The following MAML1 variants were observed in gnomAD, a reference collection of about 807,000 sequenced individuals.
MAML1 encodes the protein mastermind like transcriptional coactivator 1, also known as mastermind-like protein 1.
Under a neutral mutation model 77.1 loss-of-function variants are expected in MAML1, and 14 were observed. That is an observed-to-expected ratio of 0.18 (90% CI 0.12 to 0.28). MAML1 has a LOEUF of 0.28. Ranked by LOEUF, MAML1 falls within the 10% of genes least tolerant of loss-of-function variation. The probability of loss-of-function intolerance (pLI) is 1.00; values close to 1 mark genes in which losing one functional copy is unlikely to be tolerated. For missense variants in MAML1, 1,217 were observed against 1,327.8 expected (o/e 0.92, Z 1.30); for synonymous variants, 516 against 551.9 (o/e 0.93, Z 0.91).
chr5:179,741,030 G>A lies in MAML1; in HGVS notation c.315+7603G>A, dbSNP rs1779274359. 4.6e-5 allele frequency among the ~76,000 whole-genome samples: 7 copies of A among 152,224 alleles called. No individual in the cohort carries two copies. In the South Asian group the frequency reaches 1.4e-3, roughly 32 times the overall value. On this transcript the variant is annotated intron_variant, in intron 1 of 4. Transcript: ENST00000292599. ...AGATTTCAAATCCACATTTCCAGCT[G>A]TCTGCTGGACATTTTCATCTTTCCA...
At chr5:179,743,292 TC>T (rs1306801032) in intron 1 of MAML1, among the ~76,000 whole-genome samples, 1 of 151,186 alleles carries the variant, frequency 6.6e-6, no homozygotes, top group African/African-American at 2.4e-5. Flanking sequence ...CCTCAGGTGA[TC>T]CGCCTGCCTC....
rs1016947862 is a variant in MAML1 at position 179,742,621 on chromosome 5, G to T, written c.315+9194G>T. On this transcript the variant is annotated intron_variant, in intron 1 of 4. Transcript: ENST00000292599. Reference sequence around the variant, plus strand: ...AGTTCGAGACCAGCCTGGCCAACATGGTGAAACCCTGTCCCTACTAAAAAA... The same window carrying T: ...AGTTCGAGACCAGCCTGGCCAACATTGTGAAACCCTGTCCCTACTAAAAAA... Among the ~76,000 whole-genome samples the T allele has an allele frequency of 5.1e-4, 77 of 152,088 alleles. 1 individual carries two copies. The highest frequency in any genetic ancestry group is 1.7e-3 in the African/African-American group (72 of 41,434).
chr5:179,766,547 G>C lies in MAML1; in HGVS notation c.1537G>C (p.Gly513Arg). Residue 513 changes from glycine (G) to arginine (R), a missense_variant, in exon 2 of 5, where the codon GGC becomes CGC. Gly to Arg is a moderately radical substitution (Grantham distance 125). Around this residue, in one of 3 missense-constraint regions of MAML1, gnomAD observed 884 missense variants for 949.3 expected, o/e 0.93. Coordinates refer to ENST00000292599, the MANE Select transcript of MAML1 (RefSeq NM_014757.5). The surrounding 1 kb of genome is among the most constrained non-coding windows in gnomAD (Gnocchi z 4.0). ...TAACCAGGGGTCTGTGCTGGACTAC[G>C]GCAATACAAAACCCCTTTCTCATTA... ...ANNQGSVLDY[G>R]NTKPLSHYKA... 1 of 1,605,752 alleles carries C rather than the reference G, an allele frequency of 6.2e-7. No homozygotes were observed. Among genetic ancestry groups the C allele is most frequent in the South Asian group, 1.1e-5 (1 of 90,352 alleles).
rs556707695 is a variant in MAML1 at position 179,774,490 on chromosome 5, G to A, written c.2664G>A (p.Arg888=). 2.6e-4 allele frequency: 418 copies of A among 1,613,272 alleles called. No individual in the cohort carries two copies. The highest frequency in any genetic ancestry group is 2.1e-3 in the South Asian group (191 of 91,086). ...AATTCTCCCAGGCAGTGCCCAACAG[G>A]CCCATGGCTCCCATGAGCTCAGCAG... The part of the protein sequence containing the change: ...SPQFSQAVPN[R]PMAPMSSAAA... Residue 888 remains arginine (R), a synonymous_variant, in exon 5 of 5, where the codon AGG becomes AGA. Coordinates refer to ENST00000292599, the MANE Select transcript of MAML1 (RefSeq NM_014757.5).
At position 179,773,932 on chromosome 5, in the gene MAML1, T is replaced by TGAC; in HGVS notation, c.2106_2107insGAC (p.Gly702_Pro703insAsp). On this transcript the variant is annotated inframe_insertion, in exon 5 of 5. Transcript: ENST00000292599. ...CCGTGCCCGGCATGAACACCTTGGG[T>TGAC]CCATCCAACTCCAGCTGTCCTCGAG... The TGAC allele has an allele frequency of 6.2e-7, 1 of 1,614,172 alleles. No individual in the cohort carries two copies. Among genetic ancestry groups the TGAC allele is most frequent in the South Asian group, 1.1e-5 (1 of 91,082 alleles).
At chr5:179,733,905 A>T (rs1779117146) in intron 1 of MAML1, among the ~76,000 whole-genome samples, 1 of 152,214 alleles carries the variant, frequency 6.6e-6, no homozygotes, top group Non-Finnish European at 1.5e-5. Context: ...GACCAACTGA[A>T]ACTCCTCTGA....
chr5:179,748,916 A>G (rs1779433137), intron 1 of MAML1, among the ~76,000 whole-genome samples: 1 of 151,914 alleles, frequency 6.6e-6, no homozygotes, highest in Admixed American at 6.6e-5. Flanking sequence ...TAGCCTAACT[A>G]TACAACAAGA....
chr5:179,760,605 C>T (rs1488587599), intron 1 of MAML1, among the ~76,000 whole-genome samples: 2 of 152,032 alleles, frequency 1.3e-5, no homozygotes, highest in Non-Finnish European at 1.5e-5. Context: ...GTGTGATGTT[C>T]AGTCATGGGA....
chr5:179,739,981 G>C lies in MAML1; in HGVS notation c.315+6554G>C, dbSNP rs184060374. Among the ~76,000 whole-genome samples, 253 of 152,256 alleles carry C rather than the reference G, an allele frequency of 1.7e-3. 3 individuals are homozygous for C. Among genetic ancestry groups the C allele is most frequent in the African/African-American group, 5.9e-3 (245 of 41,528 alleles). On this transcript the variant is annotated intron_variant, in intron 1 of 4. Transcript: ENST00000292599. ...GGAGAAAGAGGAGGTCAATATTTTT[G>C]TTAACTTTGTTATAATAAGTGCTAA...
chr5:179,766,994 T>G lies in MAML1; in HGVS notation c.1731+253T>G, dbSNP rs965098889. Among the ~76,000 whole-genome samples the G allele has an allele frequency of 6.6e-6, 1 of 152,218 alleles. No individual in the cohort carries two copies. The highest frequency in any genetic ancestry group is 1.5e-5 in the Non-Finnish European group (1 of 68,042). ...CGAAGGTTTCAGGAATCACCTGCAT[T>G]TAGTCCACTGTCTCTTTCGTGCCGT... On this transcript the variant is annotated intron_variant, in intron 2 of 4. Transcript: ENST00000292599. This position sits in a 1 kb window ranked among gnomAD's most constrained non-coding sequence, Gnocchi z 4.0.
In MAML1 at chr5:179,733,360, C is replaced by G; in HGVS notation, c.248C>G (p.Pro83Arg). ...KHRQPPAATA[P>R]APAAPAPRLD... ...AGGCAGCCGCCCGCCGCCACGGCCCCGGCGCCCGCCGCCCCGGCCCCGCGC... is the reference window on the plus strand; with the variant it reads ...AGGCAGCCGCCCGCCGCCACGGCCCGGGCGCCCGCCGCCCCGGCCCCGCGC... Residue 83 changes from proline to arginine, a missense_variant, in exon 1 of 5, where the codon CCG becomes CGG. By Grantham distance (103) the Pro-to-Arg change is moderately radical. Around this residue, in one of 3 missense-constraint regions of MAML1, gnomAD observed 312 missense variants for 331.4 expected, o/e 0.94. Transcript: ENST00000292599. 8.1e-7 allele frequency: 1 copy of G among 1,238,916 alleles called. No homozygotes were observed. Among genetic ancestry groups the G allele is most frequent in the Non-Finnish European group, 1.0e-6 (1 of 993,494 alleles). 76.7% of individuals were successfully genotyped at this position (1,238,916 alleles called of 1,614,324 possible).
chr5:179,761,991 G>A (rs1172602784), intron 1 of MAML1, among the ~76,000 whole-genome samples: 1 of 152,092 alleles, frequency 6.6e-6, no homozygotes, highest in African/African-American at 2.4e-5. Flanking sequence ...AGGTAAAAAA[G>A]AGGAGGCAGG....
intron 2 of MAML1, among the ~76,000 whole-genome samples, chr5:179,767,959 A>G (rs1050396028): frequency 1.3e-5 from 2 of 152,244 alleles, no homozygotes; most frequent in East Asian, 1.9e-4. Context: ...CTTGTGGTCT[A>G]TATATTGACA....
chr5:179,753,559 C>T (rs145240363), intron 1 of MAML1, among the ~76,000 whole-genome samples: 3 of 150,970 alleles, frequency 2.0e-5, no homozygotes, highest in Admixed American at 6.6e-5. Context: ...ATTGATGCCT[C>T]GAAGAAAGCG....
In MAML1 at chr5:179,768,900, G is replaced by A. The variant is rs1322125335; in HGVS notation, c.1782G>A (p.Gly594=). The A allele has an allele frequency of 1.2e-6, 2 of 1,614,122 alleles. No individual in the cohort carries two copies. Among genetic ancestry groups the A allele is most frequent in the East Asian group, 2.2e-5 (1 of 44,864 alleles). Residue 594 remains glycine (G), a synonymous_variant, in exon 3 of 5, where the codon GGG becomes GGA. Transcript: ENST00000292599. ...VPVQAQATSV[G]TQPPAVSVAS... is the part of the protein sequence containing the mutation. ...TGCAAGCCCAGGCTACCAGTGTTGG[G>A]ACCCAGCCGCCTGCCGTGTCCGTGG... is the stretch of plus-strand genomic sequence containing the variant.
chr5:179,744,668 C>T (rs868039056), intron 1 of MAML1, among the ~76,000 whole-genome samples: 21 of 151,662 alleles, frequency 1.4e-4, no homozygotes, highest in African/African-American at 4.8e-4. Context: ...CGAGTAGCTA[C>T]CATGCCCGGC....
chr5:179,774,815 C>G lies in MAML1; in HGVS notation c.2989C>G (p.Leu997Val). 1.2e-6 allele frequency: 2 copies of G among 1,614,028 alleles called. No individual in the cohort carries two copies. The highest frequency in any genetic ancestry group is 1.7e-6 in the Non-Finnish European group (2 of 1,179,966). Residue 997 changes from leucine to valine, a missense_variant, in exon 5 of 5, where the codon CTG becomes GTG. Leu to Val is a conservative substitution (Grantham distance 32). Coordinates refer to ENST00000292599, the MANE Select transcript of MAML1 (RefSeq NM_014757.5). ...ACACACCGATCTGATCGACTCCCTG[C>G]TGAAGAACAGGACTTCAGAGGAGTG... ...AGHTDLIDSL[L>V]KNRTSEEWMS... is the part of the protein sequence containing the mutation.
chr5:179,774,076 C>G lies in MAML1; in HGVS notation c.2250C>G (p.Asn750Lys), dbSNP rs772383868. Residue 750 changes from asparagine to lysine, a missense_variant, in exon 5 of 5, where the codon AAC becomes AAG. Physicochemically the swap from Asn to Lys is moderately conservative, Grantham distance 94 (BLOSUM62 0). This residue lies in a region of MAML1 where 884 missense variants were observed against 949.3 expected (regional missense o/e 0.93). Coordinates refer to ENST00000292599, the MANE Select transcript of MAML1 (RefSeq NM_014757.5). ...RGVAQFPGSQ[N>K]MPQSSLYGMA... ...TGGCTCAGTTCCCTGGCTCCCAAAACATGCCTCAGAGCAGCCTCTATGGCA... is the reference window on the plus strand; with the variant it reads ...TGGCTCAGTTCCCTGGCTCCCAAAAGATGCCTCAGAGCAGCCTCTATGGCA... 4.3e-5 allele frequency: 69 copies of G among 1,614,078 alleles called. No homozygotes were observed. The highest frequency in any genetic ancestry group is 5.8e-5 in the Non-Finnish European group (69 of 1,180,036).
chr5:179,753,502 A>G (rs1449447948), intron 1 of MAML1, among the ~76,000 whole-genome samples: 1 of 152,092 alleles, frequency 6.6e-6, no homozygotes, highest in East Asian at 1.9e-4. Flanking sequence ...AGCTTGGTCA[A>G]AGGAGTTTGA....
Sources: gnomAD v4.1 joint callset for allele counts (sites outside exome capture counted in the v4.1 genomes callset) on GRCh38, gnomAD v4.1.1 for gene constraint, gnomAD v4.1.1 regional missense constraint, Gnocchi (gnomAD v3.1) non-coding constraint, MANE v1.5 for transcripts, NCBI Gene and HGNC (gene_info 2026-07-23, HGNC 2026-07-21) for gene names.